NBAS: variants seen among roughly 807,000 people sequenced by gnomAD.
NBAS encodes the protein NAG/BC035112 fusion.
Under a neutral mutation model 302.5 loss-of-function variants are expected in NBAS, and 219 were observed. That is an observed-to-expected ratio of 0.72 (90% CI 0.65 to 0.81). NBAS has a LOEUF of 0.81. Among genes scored for constraint, NBAS ranks in the 30% least tolerant of loss-of-function variants. The probability of loss-of-function intolerance (pLI) is 0.00; values close to 1 mark genes in which losing one functional copy is unlikely to be tolerated. For synonymous variants in NBAS, 1,118 were observed against 1,021.6 expected (o/e 1.09, Z -1.80); for missense variants, 2,932 against 2,841.6 (o/e 1.03, Z -0.72).
rs1671430574 is a variant in NBAS at position 15,314,748 on chromosome 2, A to C, written c.4583-5501T>G. Among the ~76,000 whole-genome samples, 5 of 152,324 alleles carry C rather than the reference A, an allele frequency of 3.3e-5. 1 individual carries two copies. In the South Asian group the frequency reaches 8.3e-4, roughly 25 times the overall value. Reference sequence around the variant, plus strand: ...ATGAGAGTTCACAGCAGCTTTTTAAAACAATAACAACCATAAGCTGAAAGA... The same window carrying C: ...ATGAGAGTTCACAGCAGCTTTTTAACACAATAACAACCATAAGCTGAAAGA... On this transcript the variant is annotated intron_variant, in intron 38 of 51. Coordinates refer to ENST00000281513, the MANE Select transcript of NBAS (RefSeq NM_015909.4).
downstream of NBAS, among the ~76,000 whole-genome samples, chr2:15,163,449 A>C (rs1341093284): frequency 6.6e-6 from 1 of 152,186 alleles, no homozygotes; most frequent in African/African-American, 2.4e-5. Context: ...GCTCTTGGGG[A>C]CCACCCCTAG....
chr2:14,987,595 G>T, the NBAS span, among the ~76,000 whole-genome samples: 2 of 151,934 alleles, frequency 1.3e-5, no homozygotes, highest in African/African-American at 4.8e-5. Context: ...GAAATTTATT[G>T]TGGTACAATG....
intron 26 of NBAS, among the ~76,000 whole-genome samples, chr2:15,399,138 C>T (rs916634003): frequency 2.6e-5 from 4 of 152,138 alleles, no homozygotes; most frequent in Non-Finnish European, 5.9e-5. Flanking sequence ...GATATTTATG[C>T]TATTTGACCT....
intron 38 of NBAS, among the ~76,000 whole-genome samples, chr2:15,311,379 C>T (rs559919597): frequency 6.6e-6 from 1 of 152,302 alleles, no homozygotes; most frequent in African/African-American, 2.4e-5. Flanking sequence ...CTCTAGCACA[C>T]AGAAAGTACC....
At chr2:15,238,918 A>G (rs1667731856) in intron 44 of NBAS, among the ~76,000 whole-genome samples, 1 of 152,202 alleles carries the variant, frequency 6.6e-6, no homozygotes, top group African/African-American at 2.4e-5. Context: ...CAAAGCAGGT[A>G]AAGTGATGAA....
intron 23 of NBAS, among the ~76,000 whole-genome samples, chr2:15,423,732 G>A (rs1219136282): frequency 6.6e-6 from 1 of 152,128 alleles, no homozygotes; most frequent in East Asian, 1.9e-4. Flanking sequence ...GAAAAGACAG[G>A]CAATAGGTCC....
the NBAS span, among the ~76,000 whole-genome samples, chr2:14,791,514 G>T: frequency 6.6e-6 from 1 of 152,172 alleles, no homozygotes; most frequent in East Asian, 1.9e-4. Flanking sequence ...AATATAAAAT[G>T]GGCATGAGGT....
At chr2:15,269,998 C>T (rs1215065388) in intron 44 of NBAS, among the ~76,000 whole-genome samples, 2 of 152,150 alleles carry the variant, frequency 1.3e-5, no homozygotes, top group Admixed American at 6.6e-5. Flanking sequence ...AGACTGAATG[C>T]AGAAACTAAC....
chr2:15,234,576 T>C lies in NBAS; in HGVS notation c.6115A>G (p.Ser2039Gly), dbSNP rs758448287. ...GCAGAAATTATTTTCATGATTGCAC[T>C]CTGCACTATATCCTTGGGTGAGATG... ...LDISPKDIVQ[S>G]AIMKIISALS... The change falls in exon 46 of 52, where the codon AGT becomes GGT. Residue 2039 changes from serine (S) to glycine (G), a missense_variant. Physicochemically the swap from Ser to Gly is moderately conservative, Grantham distance 56. Transcript: ENST00000281513. 2 of 1,614,136 alleles carry C rather than the reference T, an allele frequency of 1.2e-6. No homozygotes were observed. The highest frequency in any genetic ancestry group is 1.7e-6 in the Non-Finnish European group (2 of 1,179,996).
the NBAS span, among the ~76,000 whole-genome samples, chr2:14,895,580 T>C: frequency 1.3e-5 from 2 of 151,668 alleles, no homozygotes; most frequent in East Asian, 3.9e-4. Context: ...CCACTAAAAA[T>C]ACAAAAAAAT....
At chr2:14,994,360 A>G in the NBAS span, among the ~76,000 whole-genome samples, 6 of 152,214 alleles carry the variant, frequency 3.9e-5, no homozygotes, top group African/African-American at 1.4e-4. Context: ...AGGAGGTAGA[A>G]TTACATTCAC....
chr2:15,454,396 A>G (rs1679155827), intron 21 of NBAS, among the ~76,000 whole-genome samples: 2 of 152,162 alleles, frequency 1.3e-5, no homozygotes, highest in South Asian at 4.1e-4. Context: ...GAAAAAGGAT[A>G]TTAGTTAAAA....
At chr2:15,219,084 T>G (rs1438098376) in intron 47 of NBAS, 116 bp from the exon 48 acceptor site, 26 of 1,324,544 alleles carry the variant, frequency 2.0e-5, no homozygotes, top group African/African-American at 4.4e-5. Flanking sequence ...TTCGTTTTTT[T>G]CCTCTTGAAA....
At chr2:15,545,872 T>C (rs1248960829) in intron 6 of NBAS, among the ~76,000 whole-genome samples, 1 of 152,218 alleles carries the variant, frequency 6.6e-6, no homozygotes, top group East Asian at 1.9e-4. Context: ...TGAACGCAGA[T>C]GCAATAATCT....
intron 12 of NBAS, among the ~76,000 whole-genome samples, chr2:15,478,922 T>C (rs1241389547): frequency 2.0e-5 from 3 of 152,314 alleles, no homozygotes; most frequent in African/African-American, 7.2e-5. Context: ...CTTGGCTTAG[T>C]GTTCCCTTCT....
At chr2:15,036,344 G>T in the NBAS span, among the ~76,000 whole-genome samples, 1 of 152,106 alleles carries the variant, frequency 6.6e-6, no homozygotes, top group Non-Finnish European at 1.5e-5. Flanking sequence ...AGGTGTACTA[G>T]ACATTTTATA....
At chr2:14,995,881 T>G in the NBAS span, among the ~76,000 whole-genome samples, 1 of 152,058 alleles carries the variant, frequency 6.6e-6, no homozygotes, top group African/African-American at 2.4e-5. Flanking sequence ...GGCCAGTCTA[T>G]TATCTTCTAA....
intron 25 of NBAS, among the ~76,000 whole-genome samples, chr2:15,407,489 GATCAGATGAC>G (rs1676472502): frequency 1.3e-5 from 2 of 152,122 alleles, no homozygotes; most frequent in South Asian, 4.2e-4. Flanking sequence ...CTCAATCCCT[GATCAGATGAC>G]AGTGACTTCA....
downstream of NBAS, among the ~76,000 whole-genome samples, chr2:15,163,893 T>C (rs910112669): frequency 2.0e-5 from 3 of 151,644 alleles, no homozygotes; most frequent in Middle Eastern, 3.4e-3. Flanking sequence ...GCCTCCCAGG[T>C]TCAAGTGATT....
Sources: allele counts gnomAD v4.1 joint callset (sites outside exome capture counted in the v4.1 genomes callset), GRCh38; gene constraint gnomAD v4.1.1; transcripts MANE v1.5; gene names NCBI Gene and HGNC (gene_info 2026-07-23, HGNC 2026-07-21).